The following FES variants were observed in gnomAD, a reference collection of about 807,000 sequenced individuals.
The protein encoded by FES is tyrosine-protein kinase Fes/Fps.
Under a neutral mutation model 109.6 loss-of-function variants are expected in FES, and 83 were observed. The ratio of observed to expected loss-of-function variants is 0.76; its 90% CI spans 0.63 to 0.91. FES has a LOEUF of 0.91. Ranked by LOEUF, FES falls within the 40% of genes least tolerant of loss-of-function variation. The pLI, the probability that FES is intolerant of heterozygous loss-of-function variation, is 0.00. For synonymous variants in FES, 458 were observed against 442.1 expected (o/e 1.04, Z -0.45); for missense variants, 943 against 1,070.9 (o/e 0.88, Z 1.67).
intron 18 of FES, 44 bp from the exon 19 acceptor site, chr15:90,895,372 C>G: frequency 1.4e-6 from 2 of 1,465,076 alleles, no homozygotes; most frequent in Non-Finnish European, 1.8e-6. Flanking sequence ...CGAGGACCCT[C>G]AAACTCCCTC....
intron 13 of FES, 96 bp from the exon 14 acceptor site, chr15:90,892,611 G>T: frequency 4.0e-6 from 5 of 1,240,508 alleles, no homozygotes; most frequent in Non-Finnish European, 4.5e-6. Flanking sequence ...GAACACGGGG[G>T]CCCCTCACCC....
At chr15:90,895,331 C>A in intron 18 of FES, 85 bp from the exon 19 acceptor site, 2 of 1,222,484 alleles carry the variant, frequency 1.6e-6, no homozygotes, top group Non-Finnish European at 2.2e-6. Flanking sequence ...TTAAGCAGCT[C>A]CTATGGCTCA....
rs772630344 is a variant in FES, at chr15:90,889,512, C to T, written c.807-5C>T. On this transcript the variant is annotated splice_region_variant and splice_polypyrimidine_tract_variant and intron_variant, in intron 6 of 18. Coordinates refer to ENST00000328850, the MANE Select transcript of FES (RefSeq NM_002005.4). This position sits in a 1 kb window ranked among gnomAD's most constrained non-coding sequence, Gnocchi z 6.1. ...TGTCCACTGACGGGGCGCTGTCCCC[C>T]ACAGGTCCGCACCTGACGTCCCACC... 1.9e-6 allele frequency: 3 copies of T among 1,613,868 alleles called. No individual in the cohort carries two copies. The highest frequency in any genetic ancestry group is 2.2e-5 in the South Asian group (2 of 91,076).
rs369150682 is a variant in FES, at chr15:90,892,839, T to G, written c.1826+14T>G. On this transcript the variant is annotated intron_variant, in intron 14 of 18. Coordinates refer to ENST00000328850, the MANE Select transcript of FES (RefSeq NM_002005.4). ...ACAGGAAGCGAGGTGGGTGATAAAC[T>G]AATGATCACCACGGGTCCCGCATAC... The G allele has an allele frequency of 1.0e-4, 161 of 1,602,320 alleles. 1 individual carries two copies. The African/African-American group carries it at 2.0e-3, about 19-fold the overall frequency.
At chr15:90,892,428 C>T in intron 13 of FES, 1 of 579,252 alleles carries the variant, frequency 1.7e-6, no homozygotes, top group Non-Finnish European at 3.1e-6. Flanking sequence ...GAAGAAGTCA[C>T]TGTCCTAAAA....
intron 5 of FES, among the ~76,000 whole-genome samples, chr15:90,888,128 CAG>C (rs2032837553): frequency 1.3e-5 from 2 of 152,098 alleles, no homozygotes; most frequent in South Asian, 4.1e-4. Flanking sequence ...TTTTTTGAGT[CAG>C]AGTCTCGCTC....
chr15:90,890,435 T>A lies in FES; in HGVS notation c.1271T>A (p.Leu424Gln). The A allele has an allele frequency of 5.0e-6, 8 of 1,612,998 alleles. No homozygotes were observed. The highest frequency in any genetic ancestry group is 5.9e-6 in the Non-Finnish European group (7 of 1,179,876). ...CGAGAGGGGGGAAGGACACCCACGC[T>A]GGAGATCCTTAAGAGCCACATCTCA... ...QEREGGRTPT[L>Q]EILKSHISGI... The change falls in exon 10 of 19, where the codon CTG becomes CAG. Residue 424 changes from leucine to glutamine, a missense_variant. Transcript: ENST00000328850.
chr15:90,888,978 G>C (rs1300344498), intron 5 of FES, among the ~76,000 whole-genome samples: 1 of 151,980 alleles, frequency 6.6e-6, no homozygotes, highest in African/African-American at 2.4e-5. Context: ...TTTCAGTAGA[G>C]ATGGGGTTTC....
In FES at chr15:90,885,417, G is replaced by A. The variant is rs769842280; in HGVS notation, c.219G>A (p.Trp73Ter). The change falls in exon 3 of 19, where the codon TGG becomes TGA. Residue 73 changes from tryptophan to a stop codon, truncating the protein, a stop_gained. Transcript: ENST00000328850. LOFTEE classifies it high-confidence loss of function. The stretch of plus-strand genomic sequence containing the variant: ...CCCCCATCTGTGCTGTATAGTCCTG[G>A]GCTGAGATCACCAGCCAAACTGAGG... ...ISPDSPISQSWAEITSQTEGL... is the reference protein window; with the variant it reads ...ISPDSPISQS 6.2e-7 allele frequency: 1 copy of A among 1,612,392 alleles called. No homozygotes were observed. The highest frequency in any genetic ancestry group is 8.5e-7 in the Non-Finnish European group (1 of 1,179,678).
Position 90,892,157 on chromosome 15 carries a change from G to A in FES, c.1707+46G>A, listed in dbSNP as rs28578801. On this transcript the variant is annotated intron_variant, in intron 13 of 18. Transcript: ENST00000328850. ...CTCCTTGTCGCTGGCGACTTCTCCT[G>A]AGTCGCGCCTGGGCCCCCTGCCCTA... 2.9e-4 allele frequency: 464 copies of A among 1,608,874 alleles called. 1 individual carries two copies. In the African/African-American group the frequency reaches 5.6e-3, roughly 19 times the overall value.
Position 90,889,294 on chromosome 15 carries a change from T to C in FES, c.669-12T>C, listed in dbSNP as rs748089069. On this transcript the variant is annotated splice_polypyrimidine_tract_variant and intron_variant, in intron 5 of 18. Transcript: ENST00000328850. This position sits in a 1 kb window ranked among gnomAD's most constrained non-coding sequence, Gnocchi z 6.1. ...GAGGCTCCCCTGACTGGGGATCCCG[T>C]CTCGGGGGCAGGAAGGAGATCCTGC... is the stretch of plus-strand genomic sequence containing the variant. The C allele has an allele frequency of 1.2e-6, 2 of 1,612,516 alleles. No individual in the cohort carries two copies. Among genetic ancestry groups the C allele is most frequent in the Non-Finnish European group, 1.7e-6 (2 of 1,179,628 alleles).
At chr15:90,893,451 C>G in intron 16 of FES, 37 bp downstream of exon 16, 1 of 1,518,126 alleles carries the variant, frequency 6.6e-7, no homozygotes, top group Non-Finnish European at 8.8e-7. Context: ...GCCAACACCC[C>G]CGACCAGAGT....
rs751333530 is a variant in FES, at chr15:90,885,592, G to A, written c.387+7G>A. 21 of 1,611,098 alleles carry A rather than the reference G, an allele frequency of 1.3e-5. No homozygotes were observed. The East Asian group carries it at 1.6e-4, about 12-fold the overall frequency. ...GCAGCAGGAGCTCACCAAGGTGAGC[G>A]GGCAGCACTGGGGCTTCGGTCATTT... On this transcript the variant is annotated splice_region_variant and intron_variant, in intron 3 of 18. Coordinates refer to ENST00000328850, the MANE Select transcript of FES (RefSeq NM_002005.4).
rs758806464 is a variant in FES, at chr15:90,891,094, G to C, written c.1433G>C (p.Gly478Ala). Residue 478 changes from glycine (G) to alanine (A), a missense_variant, in exon 11 of 19, where the codon GGG (glycine) becomes GCG (alanine). By Grantham distance (60) the Gly-to-Ala change is moderately conservative. Transcript: ENST00000328850. The stretch of plus-strand genomic sequence containing the variant: ...GTGGCTGAGCTGCTGGTGCACTCTG[G>C]GGACTTCCTGGTGCGGGAGAGCCAG... ...AEVAELLVHS[G>A]DFLVRESQGK... is the part of the protein sequence containing the mutation. 1 of 1,591,234 alleles carries C rather than the reference G, an allele frequency of 6.3e-7. No homozygotes were observed. Among genetic ancestry groups the C allele is most frequent in the Non-Finnish European group, 8.6e-7 (1 of 1,168,700 alleles).
intron 18 of FES, 53 bp from the exon 19 acceptor site, chr15:90,895,363 G>A (rs1461891063): frequency 1.5e-5 from 21 of 1,443,834 alleles, no homozygotes; most frequent in Non-Finnish European, 1.8e-5. Context: ...AGAGTCTGCC[G>A]AGGACCCTCA....
chr15:90,884,552 T>TA lies in FES; in HGVS notation c.-10+9dup, dbSNP rs1254881955. ...GAGCAGCTGCCCGTGCGGGTACCTC[T>TA]AGCCCCGGGGCCTGGAGGAGCGGTG... is the stretch of plus-strand genomic sequence containing the variant. On this transcript the variant is annotated intron_variant, in intron 1 of 18. Coordinates refer to ENST00000328850, the MANE Select transcript of FES (RefSeq NM_002005.4). 2 of 157,024 alleles carry TA rather than the reference T, an allele frequency of 1.3e-5. No individual in the cohort carries two copies. 9.7% of individuals were successfully genotyped at this position (157,024 alleles called of 1,614,324 possible).
At chr15:90,891,810 C>T (rs946331141) in intron 12 of FES, 134 bp downstream of exon 12, 2 of 1,348,372 alleles carry the variant, frequency 1.5e-6, no homozygotes, top group African/African-American at 1.4e-5. Context: ...GTGAGTGACC[C>T]TCAGGGCCAG....
Position 90,895,564 on chromosome 15 carries a change from G to T in FES, c.*6G>T. 1 of 1,558,740 alleles carries T rather than the reference G, an allele frequency of 6.4e-7. No individual in the cohort carries two copies. ...TCCGAAAGCGGCATCGGTGAGGCTGGGACCCCCTTCTCAAGCTGGTGGCCT... is the reference window on the plus strand; with the variant it reads ...TCCGAAAGCGGCATCGGTGAGGCTGTGACCCCCTTCTCAAGCTGGTGGCCT... On this transcript the variant is annotated 3_prime_UTR_variant, in exon 19 of 19. Transcript: ENST00000328850.
At position 90,891,618 on chromosome 15, in the gene FES, G is replaced by GCA. The variant is rs2033224734; in HGVS notation, c.1597_1598dup (p.Gln534ProfsTer24). 6.2e-7 allele frequency: 1 copy of GCA among 1,613,908 alleles called. No homozygotes were observed. Among genetic ancestry groups the GCA allele is most frequent in the African/African-American group, 1.3e-5 (1 of 74,948 alleles). ...CCTTTGCTCATCGACCACCTACTGA[G>GCA]CACCCAGCAGCCCCTCACCAAGAAG... On this transcript the variant is annotated frameshift_variant, in exon 12 of 19. Coordinates refer to ENST00000328850, the MANE Select transcript of FES (RefSeq NM_002005.4). LOFTEE classifies it high-confidence loss of function.
Sources: allele counts gnomAD v4.1 joint callset (sites outside exome capture counted in the v4.1 genomes callset), GRCh38; gene constraint gnomAD v4.1.1; non-coding constraint Gnocchi (gnomAD v3.1); transcripts MANE v1.5; gene names NCBI Gene and HGNC (gene_info 2026-07-23, HGNC 2026-07-21).